The following TRIM44 variants were observed in gnomAD, a reference collection of about 807,000 sequenced individuals.
The protein encoded by TRIM44 is tripartite motif containing 44.
In TRIM44, 13 loss-of-function variants were observed where a neutral mutation model predicts 37.4. The ratio of observed to expected loss-of-function variants is 0.35; its 90% CI spans 0.23 to 0.55. The LOEUF is 0.55. TRIM44 is among the 20% of genes least tolerant of loss of function. The pLI is 0.89. For synonymous variants in TRIM44, 175 were observed against 157.2 expected, an observed-to-expected ratio of 1.11 and a Z score of -0.85; for missense variants, 426 against 437.2, an observed-to-expected ratio of 0.97 and a Z score of 0.23.
At chr11:35,669,428 G>T (rs186743957) in intron 1 of TRIM44, among the ~76,000 whole-genome samples, 16 of 151,670 alleles carry the variant, frequency 1.1e-4, no homozygotes, top group African/African-American at 2.7e-4. Context: ...AAGGTGAGAG[G>T]GTCCCAAGTC....
At chr11:35,766,068 C>G (rs781028666) in intron 4 of TRIM44, among the ~76,000 whole-genome samples, 3 of 152,204 alleles carry the variant, frequency 2.0e-5, no homozygotes, top group Admixed American at 6.5e-5. Flanking sequence ...TCTTTCTTCT[C>G]TTTTTCTCTT....
chr11:35,794,704 C>T (rs1853258867), intron 4 of TRIM44, among the ~76,000 whole-genome samples: 1 of 152,168 alleles, frequency 6.6e-6, no homozygotes, highest in African/African-American at 2.4e-5. Flanking sequence ...GATTCCTAGG[C>T]AGTGTCTCCA....
At chr11:35,761,631 G>A (rs1043326597) in intron 4 of TRIM44, among the ~76,000 whole-genome samples, 1 of 152,128 alleles carries the variant, frequency 6.6e-6, no homozygotes, top group Non-Finnish European at 1.5e-5. Context: ...TGTCATCTCT[G>A]TTTTCCAAAT....
At chr11:35,780,838 T>C (rs943150879) in intron 4 of TRIM44, among the ~76,000 whole-genome samples, 1 of 147,454 alleles carries the variant, frequency 6.8e-6, no homozygotes, top group Non-Finnish European at 1.5e-5. Flanking sequence ...GCTGCCTTCT[T>C]TCTTTTTATT....
chr11:35,779,787 T>C (rs1661315843), intron 4 of TRIM44, among the ~76,000 whole-genome samples: 1 of 152,002 alleles, frequency 6.6e-6, no homozygotes, highest in African/African-American at 2.4e-5. Context: ...TGGTAAAAGG[T>C]AGGTATCCAA....
At chr11:35,695,242 T>C (rs1463307761) in intron 2 of TRIM44, among the ~76,000 whole-genome samples, 1 of 152,158 alleles carries the variant, frequency 6.6e-6, no homozygotes, top group East Asian at 1.9e-4. Flanking sequence ...ATCCTCGTTC[T>C]CCATGAGTCC....
intron 4 of TRIM44, among the ~76,000 whole-genome samples, chr11:35,741,236 T>G (rs1384777619): frequency 1.3e-5 from 2 of 152,198 alleles, no homozygotes; most frequent in Non-Finnish European, 2.9e-5. Context: ...TTGTCACATT[T>G]CCCTGTTATG....
intron 4 of TRIM44, among the ~76,000 whole-genome samples, chr11:35,753,639 A>G (rs1261996681): frequency 6.6e-6 from 1 of 152,166 alleles, no homozygotes; most frequent in Non-Finnish European, 1.5e-5. Flanking sequence ...GAACATGCAG[A>G]TTATGCTTAA....
At chr11:35,678,260 T>A (rs1426030963) in intron 1 of TRIM44, among the ~76,000 whole-genome samples, 1 of 151,942 alleles carries the variant, frequency 6.6e-6, no homozygotes, top group Non-Finnish European at 1.5e-5. Context: ...GTAGCAAGAG[T>A]GGGAGCGGTA....
chr11:35,799,215 C>A (rs900676281), intron 4 of TRIM44, among the ~76,000 whole-genome samples: 20 of 152,204 alleles, frequency 1.3e-4, no homozygotes, highest in African/African-American at 4.8e-4. Flanking sequence ...AGTAGGCCAT[C>A]CCCACACAGG....
chr11:35,799,452 ACTCAT>A (rs1407361556), intron 4 of TRIM44, among the ~76,000 whole-genome samples: 2 of 151,804 alleles, frequency 1.3e-5, no homozygotes, highest in Non-Finnish European at 2.9e-5. Context: ...TAGTAATCCT[ACTCAT>A]CTCTGGCATT....
At chr11:35,670,609 A>G (rs1008553472) in intron 1 of TRIM44, among the ~76,000 whole-genome samples, 1 of 152,206 alleles carries the variant, frequency 6.6e-6, no homozygotes, top group African/African-American at 2.4e-5. Flanking sequence ...TAGCAGCTGG[A>G]AATACTCCAT....
intron 4 of TRIM44, among the ~76,000 whole-genome samples, chr11:35,773,099 G>A (rs1383997460): frequency 6.6e-6 from 1 of 152,242 alleles, no homozygotes; most frequent in Non-Finnish European, 1.5e-5. Flanking sequence ...AGGGGTTTCC[G>A]CTTTGGCATC....
intron 3 of TRIM44, among the ~76,000 whole-genome samples, chr11:35,727,546 T>C (rs775008831): frequency 6.6e-6 from 1 of 152,244 alleles, no homozygotes; most frequent in Non-Finnish European, 1.5e-5. Flanking sequence ...TAACTCTTCT[T>C]CTTTTCATTT....
chr11:35,684,083 G>T (rs1407925366), intron 1 of TRIM44, among the ~76,000 whole-genome samples: 1 of 152,112 alleles, frequency 6.6e-6, no homozygotes, highest in Non-Finnish European at 1.5e-5. Flanking sequence ...TAAGTAACTT[G>T]CCTAAGGTCA....
intron 2 of TRIM44, among the ~76,000 whole-genome samples, chr11:35,725,503 T>C (rs1328064158): frequency 2.0e-5 from 3 of 152,012 alleles, no homozygotes. Flanking sequence ...CCAGCAAGTT[T>C]TTTTGTATTT....
At chr11:35,742,987 G>A (rs1240311919) in intron 4 of TRIM44, among the ~76,000 whole-genome samples, 3 of 151,672 alleles carry the variant, frequency 2.0e-5, no homozygotes. Context: ...CTTAACTATT[G>A]CAGTATAATG....
intron 4 of TRIM44, among the ~76,000 whole-genome samples, chr11:35,769,726 T>C (rs2077169081): frequency 6.6e-6 from 1 of 152,206 alleles, no homozygotes; most frequent in South Asian, 2.1e-4. Context: ...AAATACCTGG[T>C]AACTCTTATT....
intron 4 of TRIM44, among the ~76,000 whole-genome samples, chr11:35,800,230 G>C (rs1024124355): frequency 1.3e-5 from 2 of 152,168 alleles, no homozygotes; most frequent in African/African-American, 4.8e-5. Context: ...GGACCTTCAC[G>C]GCGAGTGTTA....
Sources: allele counts gnomAD v4.1 joint callset (sites outside exome capture counted in the v4.1 genomes callset), GRCh38; gene constraint gnomAD v4.1.1; transcripts MANE v1.5; gene names NCBI Gene and HGNC (gene_info 2026-07-23, HGNC 2026-07-21).